Variants in WNT10A observed in about 807,000 individuals in gnomAD.
The protein encoded by WNT10A is Wnt family member 10A.
WNT10A carries 37 observed loss-of-function variants against 36.1 expected under a neutral mutation model. The observed-to-expected ratio is 1.02, with a 90% CI of 0.79 to 1.35. The LOEUF is 1.35. Ranked by LOEUF, WNT10A falls within the 40% of genes most tolerant of loss-of-function variation. WNT10A has a pLI of 0.00. For synonymous variants in WNT10A, 255 were observed against 254.1 expected (o/e 1.00, Z -0.03); for missense variants, 613 against 601.4 (o/e 1.02, Z -0.20).
Position 218,880,852 on chromosome 2 carries a change from G to C in WNT10A, c.-144G>C. 1.0e-6 allele frequency: 1 copy of C among 992,998 alleles called. No individual in the cohort carries two copies. Among genetic ancestry groups the C allele is most frequent in the Non-Finnish European group, 1.4e-6 (1 of 722,428 alleles). The allele number at this position is 992,998 out of a possible 1,614,324, so 61.5% of individuals were successfully genotyped here. On this transcript the variant is annotated 5_prime_UTR_variant, in exon 1 of 4. Transcript: ENST00000258411. The surrounding 1 kb of genome is among the most constrained non-coding windows in gnomAD (Gnocchi z 7.7). ...CCCATGGAGCGGGGAGGCGGGCGCC[G>C]TCTGCTCCGGGAGCCCTGACCCGAG...
chr2:218,889,109 T>C (rs1455042632), intron 2 of WNT10A, among the ~76,000 whole-genome samples: 1 of 152,190 alleles, frequency 6.6e-6, no homozygotes, highest in Non-Finnish European at 1.5e-5. Context: ...CAAAGTCCAT[T>C]GTGTCATTCT....
In WNT10A at chr2:218,881,082, A is replaced by G. The variant is rs368241966; in HGVS notation, c.87A>G (p.Leu29=). The G allele has an allele frequency of 1.3e-5, 21 of 1,604,182 alleles. No individual in the cohort carries two copies. Among genetic ancestry groups the G allele is most frequent in the African/African-American group, 1.1e-4 (8 of 74,852 alleles). The change falls in exon 1 of 4, where the codon CTA becomes CTG. Residue 29 remains leucine (L), a synonymous_variant. Coordinates refer to ENST00000258411, the MANE Select transcript of WNT10A (RefSeq NM_025216.3). ...RPALWVLLFF[L]LLLAAAMPRS... Reference sequence around the variant, plus strand: ...CGCTCTGGGTGCTCCTGTTCTTCCTACTGCTGCTGGCTGCTGCCATGCCCA... The same window carrying G: ...CGCTCTGGGTGCTCCTGTTCTTCCTGCTGCTGCTGGCTGCTGCCATGCCCA...
At position 218,890,018 on chromosome 2, in the gene WNT10A, A is replaced by G. The variant is rs781140496; in HGVS notation, c.411A>G (p.Ala137=). ...AGAGCGCTTTTGCCTACGCCATCGCAGCAGCTGGCGTGGTGCACGCCGTGT... is the reference window on the plus strand; with the variant it reads ...AGAGCGCTTTTGCCTACGCCATCGCGGCAGCTGGCGTGGTGCACGCCGTGT... ...FRESAFAYAI[A]AAGVVHAVSN... is the part of the protein sequence containing the mutation. The change falls in exon 3 of 4, where the codon GCA becomes GCG. Residue 137 remains alanine (A), a synonymous_variant. Coordinates refer to ENST00000258411, the MANE Select transcript of WNT10A (RefSeq NM_025216.3). The G allele has an allele frequency of 6.2e-7, 1 of 1,613,676 alleles. No homozygotes were observed. The highest frequency in any genetic ancestry group is 1.1e-5 in the South Asian group (1 of 91,064).
intron 2 of WNT10A, chr2:218,884,347 G>C (rs536548181): frequency 2.0e-5 from 3 of 151,814 alleles, no homozygotes; most frequent in South Asian, 2.1e-4. Context: ...ACGGGTGGAG[G>C]GGGGAGGTTA....
chr2:218,882,762 TAGTA>T (rs1329156834), intron 2 of WNT10A, among the ~76,000 whole-genome samples: 1 of 152,204 alleles, frequency 6.6e-6, no homozygotes, highest in African/African-American at 2.4e-5. Context: ...ACCCTCTGCT[TAGTA>T]AACCACATTT....
At chr2:218,876,995 G>A (rs1944458380), upstream of WNT10A, among the ~76,000 whole-genome samples, 1 of 152,174 alleles carries the variant, frequency 6.6e-6, no homozygotes, top group Non-Finnish European at 1.5e-5. Context: ...CTAGGGCTGG[G>A]ATGCCAGCCT....
chr2:218,892,653 T>C (rs1944666675), intron 3 of WNT10A, 121 bp from the exon 4 acceptor site: 1 of 1,468,096 alleles, frequency 6.8e-7, no homozygotes, highest in Middle Eastern at 2.4e-4. Context: ...GGACCCTCGC[T>C]CCCGGCCTCA....
At chr2:218,874,758 A>G in the WNT10A span, among the ~76,000 whole-genome samples, 5 of 152,102 alleles carry the variant, frequency 3.3e-5, no homozygotes, top group African/African-American at 1.2e-4. Context: ...GGGGTCAGAC[A>G]CTCTGGGTTT....
Position 218,892,966 on chromosome 2 carries a change from G to A in WNT10A, c.949G>A (p.Ala317Thr), listed in dbSNP as rs1228372182. The A allele has an allele frequency of 1.4e-5, 20 of 1,443,236 alleles. No individual in the cohort carries two copies. The highest frequency in any genetic ancestry group is 2.8e-5 in the Admixed American group (1 of 36,304). 89.4% of individuals were successfully genotyped at this position (1,443,236 alleles called of 1,614,324 possible). Residue 317 changes from alanine (A) to threonine (T), a missense_variant, in exon 4 of 4, where the codon GCA (alanine) becomes ACA (threonine). Ala to Thr is a moderately conservative substitution (Grantham distance 58). Transcript: ENST00000258411. ...GGQLEPGPAG[A>T]PSPAPGAPGP... is the part of the protein sequence containing the mutation. ...CCAGCTGGAGCCGGGCCCAGCGGGGGCACCCTCGCCGGCTCCGGGCGCTCC... is the reference window on the plus strand; with the variant it reads ...CCAGCTGGAGCCGGGCCCAGCGGGGACACCCTCGCCGGCTCCGGGCGCTCC...
At chr2:218,874,480 T>A in the WNT10A span, among the ~76,000 whole-genome samples, 1 of 152,310 alleles carries the variant, frequency 6.6e-6, no homozygotes, top group East Asian at 1.9e-4. Flanking sequence ...GACAGGGGCA[T>A]CAGAAGCTTC....
chr2:218,874,919 T>C, the WNT10A span, among the ~76,000 whole-genome samples: 5 of 152,120 alleles, frequency 3.3e-5, no homozygotes, highest in African/African-American at 7.2e-5. Flanking sequence ...GAGGTCATGA[T>C]TGGTCAGAAC....
At chr2:218,874,589 C>T in the WNT10A span, among the ~76,000 whole-genome samples, 2 of 152,292 alleles carry the variant, frequency 1.3e-5, no homozygotes, top group East Asian at 3.9e-4. Flanking sequence ...GTTCTGGATT[C>T]TCCAGAGCTG....
At chr2:218,876,006 C>A (rs1443442638), upstream of WNT10A, among the ~76,000 whole-genome samples, 1 of 152,198 alleles carries the variant, frequency 6.6e-6, no homozygotes, top group African/African-American at 2.4e-5. Flanking sequence ...TCTTTCTCAT[C>A]TCCTTCCCTC....
the WNT10A span, among the ~76,000 whole-genome samples, chr2:218,874,479 A>G: frequency 6.6e-6 from 1 of 152,224 alleles, no homozygotes; most frequent in African/African-American, 2.4e-5. Flanking sequence ...GGACAGGGGC[A>G]TCAGAAGCTT....
rs1004799015 is a variant in WNT10A, at chr2:218,890,096, G to A, written c.489G>A (p.Arg163=). Residue 163 remains arginine (R), a synonymous_variant, in exon 3 of 4, where the codon CGG becomes CGA. Transcript: ENST00000258411. The stretch of plus-strand genomic sequence containing the variant: ...AGGCCTGTGGCTGTGATGCGTCCCG[G>A]CGAGGGGACGAGGAGGCCTTCCGTA... ...KLKACGCDAS[R]RGDEEAFRRK... 5 of 1,614,030 alleles carry A rather than the reference G, an allele frequency of 3.1e-6. No homozygotes were observed. The Admixed American group carries it at 5.0e-5, about 16-fold the overall frequency.
In WNT10A at chr2:218,890,069, G is replaced by A; in HGVS notation, c.462G>A (p.Leu154=). 6.2e-7 allele frequency: 1 copy of A among 1,614,150 alleles called. No homozygotes were observed. Among genetic ancestry groups the A allele is most frequent in the Non-Finnish European group, 8.5e-7 (1 of 1,180,040 alleles). ...AVSNACALGK[L]KACGCDASRR... ...CCAATGCGTGTGCCCTGGGCAAACT[G>A]AAGGCCTGTGGCTGTGATGCGTCCC... Residue 154 remains leucine, a synonymous_variant, in exon 3 of 4, where the codon CTG becomes CTA. Coordinates refer to ENST00000258411, the MANE Select transcript of WNT10A (RefSeq NM_025216.3).
the WNT10A span, among the ~76,000 whole-genome samples, chr2:218,874,410 TCA>T: frequency 6.6e-6 from 1 of 152,208 alleles, no homozygotes; most frequent in Non-Finnish European, 1.5e-5. Flanking sequence ...TTCACTCCTG[TCA>T]CACATCTAGG....
At chr2:218,881,942 T>C (rs1190863800) in intron 1 of WNT10A, among the ~76,000 whole-genome samples, 2 of 152,130 alleles carry the variant, frequency 1.3e-5, no homozygotes, top group African/African-American at 4.8e-5. Context: ...CGCTTACCTG[T>C]GTGGGTGTGC....
chr2:218,887,402 G>T (rs181919692), intron 2 of WNT10A, among the ~76,000 whole-genome samples: 9 of 152,214 alleles, frequency 5.9e-5, no homozygotes, highest in African/African-American at 1.9e-4. Flanking sequence ...CAGATAAAAG[G>T]CAAGGGATAA....
Sources: gnomAD v4.1 joint callset for allele counts (sites outside exome capture counted in the v4.1 genomes callset) on GRCh38, gnomAD v4.1.1 for gene constraint, Gnocchi (gnomAD v3.1) non-coding constraint, MANE v1.5 for transcripts, NCBI Gene and HGNC (gene_info 2026-07-23, HGNC 2026-07-21) for gene names.